EXOC6B: variants seen among roughly 807,000 people sequenced by gnomAD.
EXOC6B encodes the protein SEC15 homolog B.
A neutral mutation model predicts 113.5 loss-of-function variants in EXOC6B; 54 were observed. The observed-to-expected ratio is 0.48, with a 90% CI of 0.38 to 0.60. The LOEUF (loss-of-function observed/expected upper bound fraction) is 0.60, where lower values mean the gene tolerates loss of function less well. EXOC6B is among the 20% of genes least tolerant of loss of function. The probability of loss-of-function intolerance (pLI) is 0.00; values close to 1 mark genes in which losing one functional copy is unlikely to be tolerated. For synonymous variants in EXOC6B, 357 were observed against 339.0 expected, an observed-to-expected ratio of 1.05 and a Z score of -0.58; for missense variants, 797 against 977.5, an observed-to-expected ratio of 0.82 and a Z score of 2.46.
intron 20 of EXOC6B, among the ~76,000 whole-genome samples, chr2:72,293,812 G>A (rs1029801172): frequency 2.6e-5 from 4 of 152,122 alleles, no homozygotes; most frequent in African/African-American, 4.8e-5. Flanking sequence ...AGACAAGACC[G>A]TAGTGAATCA....
At chr2:72,205,364 G>GA (rs34311680) in intron 20 of EXOC6B, among the ~76,000 whole-genome samples, 39,737 of 140,932 alleles carry the variant, frequency 0.28, 5,579 homozygotes, top group African/African-American at 0.36. Flanking sequence ...GCTTAAAGTA[G>GA]AAAAAAAAAA....
chr2:72,817,054 T>G (rs1686290429), intron 1 of EXOC6B, among the ~76,000 whole-genome samples: 1 of 152,220 alleles, frequency 6.6e-6, no homozygotes, highest in African/African-American at 2.4e-5. Context: ...ACAAAAAAAT[T>G]TATTCTCCTA....
chr2:72,357,953 C>G (rs919474922), intron 19 of EXOC6B, among the ~76,000 whole-genome samples: 24 of 152,002 alleles, frequency 1.6e-4, no homozygotes, highest in African/African-American at 5.6e-4. Flanking sequence ...AACCACCTTA[C>G]GAAGCACTTC....
At chr2:72,635,921 A>C (rs1343955402) in intron 6 of EXOC6B, among the ~76,000 whole-genome samples, 1 of 152,226 alleles carries the variant, frequency 6.6e-6, no homozygotes, top group African/African-American at 2.4e-5. Flanking sequence ...AATGTGATAC[A>C]TCATATTAAC....
At chr2:72,532,731 C>T (rs949122646) in intron 8 of EXOC6B, among the ~76,000 whole-genome samples, 1 of 152,058 alleles carries the variant, frequency 6.6e-6, no homozygotes, top group Non-Finnish European at 1.5e-5. Flanking sequence ...TTGCTTGGAC[C>T]CAGGAGGCGG....
chr2:72,437,195 A>T (rs1695932719), intron 18 of EXOC6B, among the ~76,000 whole-genome samples: 1 of 152,214 alleles, frequency 6.6e-6, no homozygotes, highest in South Asian at 2.1e-4. Flanking sequence ...GGTCCCCTCC[A>T]GACCCTGTTT....
At chr2:72,370,318 T>G (rs1690918888) in intron 19 of EXOC6B, among the ~76,000 whole-genome samples, 1 of 152,070 alleles carries the variant, frequency 6.6e-6, no homozygotes, top group African/African-American at 2.4e-5. Context: ...TGAGATACCA[T>G]CTCACACCAG....
intron 18 of EXOC6B, among the ~76,000 whole-genome samples, chr2:72,399,537 A>G (rs959697078): frequency 6.6e-6 from 1 of 152,202 alleles, no homozygotes; most frequent in Non-Finnish European, 1.5e-5. Flanking sequence ...ATATGATTCT[A>G]TACCCTAAAG....
chr2:72,803,531 A>G (rs952682940), intron 1 of EXOC6B, among the ~76,000 whole-genome samples: 3 of 152,182 alleles, frequency 2.0e-5, no homozygotes, highest in African/African-American at 4.8e-5. Context: ...TGAAAGTCCA[A>G]AACACTTTGA....
chr2:72,723,064 C>A (rs914592748), intron 5 of EXOC6B, among the ~76,000 whole-genome samples: 1 of 152,076 alleles, frequency 6.6e-6, no homozygotes, highest in Non-Finnish European at 1.5e-5. Context: ...ATTTCAATAT[C>A]CGTGACAGGT....
chr2:72,253,646 C>T (rs1573097338), intron 20 of EXOC6B, among the ~76,000 whole-genome samples: 1 of 151,986 alleles, frequency 6.6e-6, no homozygotes, highest in Non-Finnish European at 1.5e-5. Context: ...AGCTAAATAT[C>T]GAGTACATAT....
intron 1 of EXOC6B, among the ~76,000 whole-genome samples, chr2:72,765,889 A>T (rs980657599): frequency 9.2e-5 from 14 of 152,164 alleles, no homozygotes; most frequent in Non-Finnish European, 1.9e-4. Context: ...CAGGAAAATC[A>T]GCTTTTGACA....
At chr2:72,570,751 T>G (rs1704465827) in intron 7 of EXOC6B, among the ~76,000 whole-genome samples, 1 of 152,236 alleles carries the variant, frequency 6.6e-6, no homozygotes, top group South Asian at 2.1e-4. Flanking sequence ...TACGCCCTGC[T>G]TTTTCAAACT....
chr2:72,359,073 T>C (rs1227279301), intron 19 of EXOC6B, among the ~76,000 whole-genome samples: 9 of 152,336 alleles, frequency 5.9e-5, no homozygotes. Flanking sequence ...CTAACTAATC[T>C]GCTGTTTACC....
At chr2:72,525,630 C>T (rs1184465407) in intron 8 of EXOC6B, among the ~76,000 whole-genome samples, 1 of 151,992 alleles carries the variant, frequency 6.6e-6, no homozygotes, top group Non-Finnish European at 1.5e-5. Flanking sequence ...TAACTGTGCA[C>T]CTTAATTACC....
chr2:72,808,145 G>T (rs1685682931), intron 1 of EXOC6B, among the ~76,000 whole-genome samples: 1 of 151,966 alleles, frequency 6.6e-6, no homozygotes, highest in Non-Finnish European at 1.5e-5. Context: ...AACAAAACAG[G>T]AATCCTGGAA....
At chr2:72,190,219 G>A (rs553728813) in intron 20 of EXOC6B, among the ~76,000 whole-genome samples, 2 of 151,730 alleles carry the variant, frequency 1.3e-5, no homozygotes, top group East Asian at 3.9e-4. Flanking sequence ...TTTTATTTTT[G>A]TAGAGATGAG....
chr2:72,482,137 C>T (rs1402395385), intron 16 of EXOC6B, among the ~76,000 whole-genome samples: 1 of 152,148 alleles, frequency 6.6e-6, no homozygotes, highest in Non-Finnish European at 1.5e-5. Context: ...AATATGGCAG[C>T]TCTGAAGTGC....
At chr2:72,485,062 T>C (rs1425010670) in intron 16 of EXOC6B, among the ~76,000 whole-genome samples, 1 of 152,190 alleles carries the variant, frequency 6.6e-6, no homozygotes, top group African/African-American at 2.4e-5. Context: ...CCACAATGGG[T>C]GAACTAATTT....
Sources: allele counts gnomAD v4.1 joint callset (sites outside exome capture counted in the v4.1 genomes callset), GRCh38; gene constraint gnomAD v4.1.1; transcripts MANE v1.5; gene names NCBI Gene and HGNC (gene_info 2026-07-23, HGNC 2026-07-21).